The following GALNT13 variants were observed in gnomAD, a reference collection of about 807,000 sequenced individuals.
The protein encoded by GALNT13 is polypeptide N-acetylgalactosaminyltransferase 13, also known as UDP-GalNAc:polypeptide N-acetylgalactosaminyltransferase 13.
In GALNT13, 28 loss-of-function variants were observed where a neutral mutation model predicts 64.2. That is an observed-to-expected ratio of 0.44 (90% CI 0.32 to 0.60). GALNT13 has a LOEUF of 0.60. GALNT13 is among the 20% of genes least tolerant of loss of function. The pLI, the probability that GALNT13 is intolerant of heterozygous loss-of-function variation, is 0.05. For missense variants in GALNT13, 577 were observed against 669.8 expected, an observed-to-expected ratio of 0.86 and a Z score of 1.53; for synonymous variants, 214 against 224.6, an observed-to-expected ratio of 0.95 and a Z score of 0.42.
the GALNT13 span, among the ~76,000 whole-genome samples, chr2:153,310,216 A>G: frequency 6.6e-6 from 1 of 152,210 alleles, no homozygotes; most frequent in African/African-American, 2.4e-5. Flanking sequence ...TCATGCATGA[A>G]TGATAAATTT....
chr2:154,192,961 A>C (rs1266761806), intron 4 of GALNT13, among the ~76,000 whole-genome samples: 2 of 152,228 alleles, frequency 1.3e-5, no homozygotes, highest in South Asian at 4.1e-4. Flanking sequence ...ATTGGCTATA[A>C]GTTCCATTTC....
the GALNT13 span, among the ~76,000 whole-genome samples, chr2:153,090,116 C>G: frequency 6.6e-6 from 1 of 152,132 alleles, no homozygotes; most frequent in Non-Finnish European, 1.5e-5. Flanking sequence ...TCAAGGCCTG[C>G]TGTTGATTTC....
intron 3 of GALNT13, among the ~76,000 whole-genome samples, chr2:154,111,491 A>C (rs978857683): frequency 6.6e-6 from 1 of 152,174 alleles, no homozygotes; most frequent in Non-Finnish European, 1.5e-5. Flanking sequence ...GAGGAGCCCA[A>C]AGTGTCCAGG....
the GALNT13 span, among the ~76,000 whole-genome samples, chr2:153,267,782 A>C: frequency 6.6e-6 from 1 of 152,308 alleles, no homozygotes; most frequent in African/African-American, 2.4e-5. Flanking sequence ...AGCAGGCTTG[A>C]ATTTCTCCTC....
the GALNT13 span, among the ~76,000 whole-genome samples, chr2:153,083,249 GT>G: frequency 2.6e-5 from 4 of 152,158 alleles, no homozygotes; most frequent in African/African-American, 9.7e-5. Context: ...GAATGAAAAG[GT>G]AGTTTTACTT....
chr2:154,233,481 T>A (rs1689035687), intron 4 of GALNT13, among the ~76,000 whole-genome samples: 1 of 152,192 alleles, frequency 6.6e-6, no homozygotes, highest in Non-Finnish European at 1.5e-5. Flanking sequence ...ATTGTTTGAA[T>A]AGATTTATTT....
chr2:153,313,988 T>C, the GALNT13 span, among the ~76,000 whole-genome samples: 1 of 152,190 alleles, frequency 6.6e-6, no homozygotes, highest in Non-Finnish European at 1.5e-5. Flanking sequence ...ATTCTTAGCC[T>C]GGCTTCTCTC....
chr2:153,913,701 G>C (rs573467613), intron 2 of GALNT13, among the ~76,000 whole-genome samples: 1 of 152,274 alleles, frequency 6.6e-6, no homozygotes, highest in Admixed American at 6.5e-5. Context: ...CCTACTTTCT[G>C]CAGGAGTTCT....
the GALNT13 span, among the ~76,000 whole-genome samples, chr2:153,637,629 A>C: frequency 6.6e-6 from 1 of 152,180 alleles, no homozygotes; most frequent in Non-Finnish European, 1.5e-5. Flanking sequence ...GCATGTTATC[A>C]ATGAGTATTT....
chr2:154,234,398 A>G (rs1355977576), intron 4 of GALNT13, among the ~76,000 whole-genome samples: 2 of 152,144 alleles, frequency 1.3e-5, no homozygotes, highest in East Asian at 3.9e-4. Context: ...ACTCTAATTT[A>G]GGTGATGACA....
chr2:154,350,989 G>T (rs902338053), intron 9 of GALNT13, among the ~76,000 whole-genome samples: 6 of 152,166 alleles, frequency 3.9e-5, no homozygotes, highest in Non-Finnish European at 7.3e-5. Context: ...TGAAGATTAA[G>T]GTAGGTATGG....
At chr2:153,658,010 G>A in the GALNT13 span, among the ~76,000 whole-genome samples, 7 of 152,052 alleles carry the variant, frequency 4.6e-5, no homozygotes, top group African/African-American at 1.7e-4. Flanking sequence ...GAACGTGTTT[G>A]TAGTCAGCTG....
intron 2 of GALNT13, among the ~76,000 whole-genome samples, chr2:153,926,029 A>G (rs1168372983): frequency 6.6e-6 from 1 of 151,976 alleles, no homozygotes; most frequent in African/African-American, 2.4e-5. Context: ...CCCTCTTCCC[A>G]TTCTAATACC....
the GALNT13 span, among the ~76,000 whole-genome samples, chr2:153,249,723 T>C: frequency 6.6e-6 from 1 of 151,828 alleles, no homozygotes; most frequent in African/African-American, 2.4e-5. Context: ...AATAACACCA[T>C]ACATCTACAA....
At chr2:154,275,439 G>A (rs1198146997) in intron 8 of GALNT13, among the ~76,000 whole-genome samples, 1 of 152,190 alleles carries the variant, frequency 6.6e-6, no homozygotes, top group African/African-American at 2.4e-5. Context: ...TGGGTAAAAG[G>A]CATCAGTATA....
chr2:153,365,316 G>A, the GALNT13 span, among the ~76,000 whole-genome samples: 8 of 151,834 alleles, frequency 5.3e-5, no homozygotes, highest in East Asian at 1.9e-4. Context: ...AATATCACTC[G>A]GGACATAGGC....
At chr2:154,369,298 A>T (rs974917116) in intron 9 of GALNT13, among the ~76,000 whole-genome samples, 1 of 152,098 alleles carries the variant, frequency 6.6e-6, no homozygotes, top group Non-Finnish European at 1.5e-5. Flanking sequence ...CTGCTCACTT[A>T]CATGTAACCT....
the GALNT13 span, among the ~76,000 whole-genome samples, chr2:153,289,073 A>T: frequency 6.6e-6 from 1 of 152,074 alleles, no homozygotes; most frequent in Non-Finnish European, 1.5e-5. Flanking sequence ...TACTCTCTGG[A>T]TTTCTTTTTA....
At chr2:153,614,058 T>C in the GALNT13 span, among the ~76,000 whole-genome samples, 13 of 151,938 alleles carry the variant, frequency 8.6e-5, no homozygotes, top group Non-Finnish European at 1.5e-4. Flanking sequence ...TTTCCCAAAC[T>C]GAAGAATGGC....
Sources: gnomAD v4.1 joint callset for allele counts (sites outside exome capture counted in the v4.1 genomes callset) on GRCh38, gnomAD v4.1.1 for gene constraint, MANE v1.5 for transcripts, NCBI Gene and HGNC (gene_info 2026-07-23, HGNC 2026-07-21) for gene names.